ADAM19: variants seen among roughly 807,000 people sequenced by gnomAD.
ADAM19 encodes the protein ADAM metallopeptidase domain 19.
Under a neutral mutation model 114.7 loss-of-function variants are expected in ADAM19, and 65 were observed. The observed-to-expected ratio is 0.57, with a 90% CI of 0.46 to 0.70. The LOEUF is 0.70. Ranked by LOEUF, ADAM19 falls within the 30% of genes least tolerant of loss-of-function variation. The pLI, the probability that ADAM19 is intolerant of heterozygous loss-of-function variation, is 0.00. For synonymous variants in ADAM19, 466 were observed against 460.5 expected (o/e 1.01, Z -0.15); for missense variants, 1,063 against 1,204.7 (o/e 0.88, Z 1.74).
rs146445517 is a variant in ADAM19 at position 157,480,203 on chromosome 5, A to G, written c.*746T>C. The G allele has an allele frequency of 2.0e-6, 2 of 986,066 alleles. No individual in the cohort carries two copies. The highest frequency in any genetic ancestry group is 2.4e-6 in the Non-Finnish European group (2 of 830,088). The allele number at this position is 986,066 out of a possible 1,614,324, so 61.1% of individuals were successfully genotyped here. On this transcript the variant is annotated 3_prime_UTR_variant, in exon 23 of 23. Coordinates refer to ENST00000257527, the MANE Select transcript of ADAM19 (RefSeq NM_033274.5). ...GCGGCAGAGAAAACAAAGAGCAACT[A>G]AAAATTATCCAGAGTCAGGAGTCGC...
intron 2 of ADAM19, among the ~76,000 whole-genome samples, chr5:157,569,272 A>C (rs1757756977): frequency 2.4e-5 from 3 of 124,616 alleles, no homozygotes; most frequent in Admixed American, 9.5e-5. Context: ...AAGGTCTTGC[A>C]TTGTCACTCA....
chr5:157,479,812 G>A lies in ADAM19; in HGVS notation c.*1137C>T, dbSNP rs376558826. 11 of 985,434 alleles carry A rather than the reference G, an allele frequency of 1.1e-5. No homozygotes were observed. The highest frequency in any genetic ancestry group is 1.1e-4 in the East Asian group (1 of 8,826). The allele number at this position is 985,434 out of a possible 1,614,324, so 61.0% of individuals were successfully genotyped here. ...TGCTCAGAGGGCAACGGTCCAGCCC[G>A]AAGTCAATGACCAGCCTGCTCCCTC... On this transcript the variant is annotated 3_prime_UTR_variant, in exon 23 of 23. Transcript: ENST00000257527.
chr5:157,487,160 C>T (rs1025753837), intron 21 of ADAM19, among the ~76,000 whole-genome samples: 12 of 152,110 alleles, frequency 7.9e-5, no homozygotes, highest in African/African-American at 2.9e-4. Flanking sequence ...CACACGAGTA[C>T]ACTCTCCACC....
At chr5:157,489,219 G>C in intron 19 of ADAM19, 33 bp from the exon 20 acceptor site, 1 of 1,517,368 alleles carries the variant, frequency 6.6e-7, no homozygotes. Context: ...GAAAAGAAAG[G>C]GGACGATGTT....
chr5:157,566,290 T>C (rs1448174828), intron 2 of ADAM19: 1 of 152,134 alleles, frequency 6.6e-6, no homozygotes, highest in African/African-American at 2.4e-5. Flanking sequence ...TAATCATTAG[T>C]CATAAAGCTC....
At position 157,480,391 on chromosome 5, in the gene ADAM19, C is replaced by A; in HGVS notation, c.*558G>T. 1 of 988,510 alleles carries A rather than the reference C, an allele frequency of 1.0e-6. No individual in the cohort carries two copies. The highest frequency in any genetic ancestry group is 1.7e-5 in the African/African-American group (1 of 57,372). The allele number at this position is 988,510 out of a possible 1,614,324, so 61.2% of individuals were successfully genotyped here. On this transcript the variant is annotated 3_prime_UTR_variant, in exon 23 of 23. Coordinates refer to ENST00000257527, the MANE Select transcript of ADAM19 (RefSeq NM_033274.5). ...GGGGACGTGGCTTGTCACATGCAGC[C>A]ATACAGCCAGAAGCCGTTCCCTCAA...
At chr5:157,535,509 G>A (rs1473575843) in intron 4 of ADAM19, among the ~76,000 whole-genome samples, 1 of 152,234 alleles carries the variant, frequency 6.6e-6, no homozygotes, top group African/African-American at 2.4e-5. Context: ...CTGGGTGGGA[G>A]CTTTGCAAGA....
intron 16 of ADAM19, 129 bp from the exon 17 acceptor site, chr5:157,492,041 C>G: frequency 2.5e-6 from 2 of 803,770 alleles, no homozygotes; most frequent in Non-Finnish European, 4.0e-6. Flanking sequence ...CCTGTAATCC[C>G]AGCACTTTGG....
chr5:157,567,520 G>C (rs953788060), intron 2 of ADAM19, among the ~76,000 whole-genome samples: 3 of 152,160 alleles, frequency 2.0e-5, no homozygotes, highest in African/African-American at 7.2e-5. Context: ...CACACAGACC[G>C]GGCACGGTGG....
chr5:157,492,363 C>T (rs758092662), intron 16 of ADAM19, among the ~76,000 whole-genome samples: 1 of 152,152 alleles, frequency 6.6e-6, no homozygotes, highest in East Asian at 1.9e-4. Flanking sequence ...AAATGGAAAA[C>T]AGCCCACAAC....
In ADAM19 at chr5:157,477,994, T is replaced by C. The variant is rs1754642594; in HGVS notation, c.*2955A>G. The C allele has an allele frequency of 3.7e-6, 1 of 271,934 alleles. No individual in the cohort carries two copies. The highest frequency in any genetic ancestry group is 2.2e-5 in the African/African-American group (1 of 45,508). 16.8% of individuals were successfully genotyped at this position (271,934 alleles called of 1,614,324 possible). A position where few individuals can be genotyped will look rare whatever the true frequency, so the allele number is the denominator to read the frequency against. ...AAAGGAATCTATGGCTAGCAGGCAG[T>C]TACAAGATTGAGCCAGGTGCCCAGG... On this transcript the variant is annotated 3_prime_UTR_variant, in exon 23 of 23. Coordinates refer to ENST00000257527, the MANE Select transcript of ADAM19 (RefSeq NM_033274.5).
At chr5:157,501,251 C>T (rs868371631) in intron 12 of ADAM19, among the ~76,000 whole-genome samples, 9 of 152,126 alleles carry the variant, frequency 5.9e-5, no homozygotes, top group Admixed American at 4.6e-4. Flanking sequence ...TGAAATGTGC[C>T]TTCCCTCCTG....
intron 3 of ADAM19, among the ~76,000 whole-genome samples, chr5:157,561,529 G>A (rs1421180887): frequency 6.6e-6 from 1 of 152,158 alleles, no homozygotes; most frequent in Admixed American, 6.5e-5. Context: ...CCAGTGTATG[G>A]GGAAATGTAC....
intron 13 of ADAM19, among the ~76,000 whole-genome samples, chr5:157,497,970 T>G (rs1034855156): frequency 6.6e-6 from 1 of 152,250 alleles, no homozygotes; most frequent in Non-Finnish European, 1.5e-5. Flanking sequence ...ACGGAAATTC[T>G]TGTGTGGAGT....
intron 3 of ADAM19, among the ~76,000 whole-genome samples, chr5:157,551,401 C>G (rs930778315): frequency 1.7e-5 from 2 of 116,904 alleles, no homozygotes; most frequent in Admixed American, 9.3e-5. Flanking sequence ...ATGATTCTGT[C>G]CCCCCAACCC....
chr5:157,505,118 C>CAAAAAA (rs775250955), intron 11 of ADAM19, among the ~76,000 whole-genome samples: 6 of 86,842 alleles, frequency 6.9e-5, no homozygotes, highest in African/African-American at 1.8e-4. Context: ...GACTCTGTCT[C>CAAAAAA]AAAAAAAAAA....
intron 3 of ADAM19, among the ~76,000 whole-genome samples, chr5:157,540,568 C>T (rs1046043076): frequency 1.3e-5 from 2 of 152,200 alleles, no homozygotes; most frequent in Admixed American, 1.3e-4. Flanking sequence ...CCCAATTACA[C>T]TGTGAGCTCC....
chr5:157,481,931 GC>G lies in ADAM19; in HGVS notation c.2562del (p.Arg854SerfsTer60). ...PNCIVSQDFS[R>X]PRPPQKALPA... ...GGGAGTGCCTTCTGGGGCGGCCGAG[GC>G]CTGGAGAAGTCCTGGAGAGAAAGCA... On this transcript the variant is annotated frameshift_variant, in exon 22 of 23. Transcript: ENST00000257527. LOFTEE classifies it high-confidence loss of function. 1 of 1,602,176 alleles carries G rather than the reference GC, an allele frequency of 6.2e-7. No homozygotes were observed. Among genetic ancestry groups the G allele is most frequent in the Non-Finnish European group, 8.5e-7 (1 of 1,173,518 alleles).
At chr5:157,483,702 C>T (rs1754835032) in intron 21 of ADAM19, among the ~76,000 whole-genome samples, 1 of 150,576 alleles carries the variant, frequency 6.6e-6, no homozygotes, top group Non-Finnish European at 1.5e-5. Context: ...GGCATGATCT[C>T]GGCTTACTGC....
Sources: gnomAD v4.1 joint callset for allele counts (sites outside exome capture counted in the v4.1 genomes callset) on GRCh38, gnomAD v4.1.1 for gene constraint, MANE v1.5 for transcripts, NCBI Gene and HGNC (gene_info 2026-07-23, HGNC 2026-07-21) for gene names.